PPP2R2B: variants seen among roughly 807,000 people sequenced by gnomAD.
PPP2R2B encodes the protein serine/threonine-protein phosphatase 2A 55 kDa regulatory subunit B beta isoform.
A neutral mutation model predicts 46.0 loss-of-function variants in PPP2R2B; 5 were observed. That is an observed-to-expected ratio of 0.11 (90% CI 0.06 to 0.23). The LOEUF (loss-of-function observed/expected upper bound fraction) is 0.23. Ranked by LOEUF, PPP2R2B falls within the 10% of genes least tolerant of loss-of-function variation. The pLI is 1.00. For missense variants in PPP2R2B, 367 were observed against 575.0 expected (o/e 0.64, Z 3.70); for synonymous variants, 215 against 206.7 (o/e 1.04, Z -0.34).
intron 2 of PPP2R2B, among the ~76,000 whole-genome samples, chr5:146,777,710 A>G (rs769019669): frequency 2.6e-5 from 4 of 152,202 alleles, no homozygotes; most frequent in Non-Finnish European, 5.9e-5. Flanking sequence ...ATACTATGAC[A>G]TATACAAAAC....
chr5:146,892,038 T>C (rs921843507), intron 1 of PPP2R2B, among the ~76,000 whole-genome samples: 4 of 152,206 alleles, frequency 2.6e-5, no homozygotes, highest in African/African-American at 7.2e-5. Flanking sequence ...CTTTCCAGAC[T>C]GTCAGTCATG....
intron 2 of PPP2R2B, among the ~76,000 whole-genome samples, chr5:146,853,544 C>G (rs561291108): frequency 6.6e-6 from 1 of 152,214 alleles, no homozygotes; most frequent in South Asian, 2.1e-4. Context: ...ATCTGTGAAA[C>G]AGATAATAAT....
chr5:146,651,222 GA>G (rs1486922037), intron 5 of PPP2R2B, among the ~76,000 whole-genome samples: 6 of 152,050 alleles, frequency 3.9e-5, no homozygotes, highest in Non-Finnish European at 8.8e-5. Flanking sequence ...GGCATTTTGG[GA>G]AACTTTAGCA....
chr5:146,652,710 T>G (rs1272068374), intron 5 of PPP2R2B, among the ~76,000 whole-genome samples: 1 of 151,756 alleles, frequency 6.6e-6, no homozygotes, highest in Non-Finnish European at 1.5e-5. Context: ...ACAGAAGTAG[T>G]GAAGGGAGCT....
chr5:146,874,152 A>G (rs1447970047), intron 2 of PPP2R2B, among the ~76,000 whole-genome samples: 4 of 152,062 alleles, frequency 2.6e-5, no homozygotes, highest in African/African-American at 9.7e-5. Flanking sequence ...CCTAAATATC[A>G]CTTATCACAA....
At chr5:147,079,622 A>T (rs1757914413) in intron 2 of PPP2R2B, among the ~76,000 whole-genome samples, 1 of 151,914 alleles carries the variant, frequency 6.6e-6, no homozygotes, top group Non-Finnish European at 1.5e-5. Flanking sequence ...TCTCAGTCAT[A>T]TCAGGAACCT....
chr5:147,079,874 T>G (rs1364491372), intron 2 of PPP2R2B, among the ~76,000 whole-genome samples: 1 of 152,160 alleles, frequency 6.6e-6, no homozygotes, highest in Non-Finnish European at 1.5e-5. Context: ...ATATATGAGG[T>G]AATGGATATG....
At chr5:147,020,386 C>T (rs1286627159) in intron 1 of PPP2R2B, among the ~76,000 whole-genome samples, 2 of 152,068 alleles carry the variant, frequency 1.3e-5, no homozygotes, top group Non-Finnish European at 2.9e-5. Flanking sequence ...ATGTTGACTT[C>T]ATCCCTAGGT....
intron 1 of PPP2R2B, among the ~76,000 whole-genome samples, chr5:146,931,742 TG>T: frequency 6.6e-6 from 1 of 152,300 alleles, no homozygotes; most frequent in African/African-American, 2.4e-5. Flanking sequence ...GAAATATCTA[TG>T]TGTTCTAATT....
chr5:146,998,857 C>T (rs1037515574), intron 1 of PPP2R2B, among the ~76,000 whole-genome samples: 11 of 151,814 alleles, frequency 7.2e-5, no homozygotes, highest in East Asian at 1.9e-4. Context: ...ACCACTGATT[C>T]GGTGTTTAAA....
intron 1 of PPP2R2B, among the ~76,000 whole-genome samples, chr5:146,973,059 T>C (rs949148099): frequency 1.5e-4 from 18 of 121,892 alleles, no homozygotes; most frequent in African/African-American, 4.2e-4. Flanking sequence ...TACCTATTTC[T>C]TGATGATCTT....
chr5:146,947,578 C>T (rs1196488499), intron 1 of PPP2R2B, among the ~76,000 whole-genome samples: 1 of 152,090 alleles, frequency 6.6e-6, no homozygotes. Flanking sequence ...AGAAGAAAGA[C>T]ACAAGGTGCC....
At chr5:147,069,785 G>GTTTTGTT (rs1757522679) in intron 2 of PPP2R2B, among the ~76,000 whole-genome samples, 3 of 64,786 alleles carry the variant, frequency 4.6e-5, no homozygotes, top group Non-Finnish European at 7.6e-5. Flanking sequence ...ATTTTATACT[G>GTTTTGTT]TTTTTTTTTT....
At chr5:146,768,280 C>T (rs1754616451) in intron 2 of PPP2R2B, among the ~76,000 whole-genome samples, 1 of 151,972 alleles carries the variant, frequency 6.6e-6, no homozygotes, top group Admixed American at 6.6e-5. Context: ...CGCTATGTTG[C>T]CCAGGCTGGT....
At chr5:147,012,675 G>T (rs1331502553) in intron 1 of PPP2R2B, among the ~76,000 whole-genome samples, 1 of 151,414 alleles carries the variant, frequency 6.6e-6, no homozygotes, top group Non-Finnish European at 1.5e-5. Context: ...TGATGTTAGG[G>T]TGTCAATTTT....
intron 2 of PPP2R2B, among the ~76,000 whole-genome samples, chr5:146,709,620 T>C (rs962887835): frequency 1.1e-4 from 16 of 152,228 alleles, no homozygotes; most frequent in African/African-American, 3.4e-4. Context: ...GACTCTTCAT[T>C]GCTTCCTGCC....
At chr5:146,770,135 C>G (rs1316781679) in intron 2 of PPP2R2B, among the ~76,000 whole-genome samples, 1 of 151,844 alleles carries the variant, frequency 6.6e-6, no homozygotes, top group Non-Finnish European at 1.5e-5. Flanking sequence ...TCGAGACCAG[C>G]CTGGCCAACA....
chr5:146,891,667 CA>C (rs751644824), intron 1 of PPP2R2B, among the ~76,000 whole-genome samples: 9 of 152,216 alleles, frequency 5.9e-5, no homozygotes, highest in Non-Finnish European at 1.2e-4. Context: ...GACTTGATTG[CA>C]AAGATAACTG....
At chr5:146,902,453 C>T (rs761197378) in intron 1 of PPP2R2B, among the ~76,000 whole-genome samples, 2 of 152,148 alleles carry the variant, frequency 1.3e-5, no homozygotes, top group Non-Finnish European at 2.9e-5. Context: ...ACAATTATTA[C>T]AACTACTTCT....
Sources: allele counts gnomAD v4.1 joint callset (sites outside exome capture counted in the v4.1 genomes callset), GRCh38; gene constraint gnomAD v4.1.1; transcripts MANE v1.5; gene names NCBI Gene and HGNC (gene_info 2026-07-23, HGNC 2026-07-21).